LARP7: variants seen among roughly 807,000 people sequenced by gnomAD.
LARP7 encodes la-related protein 7.
In LARP7, 52 loss-of-function variants were observed where a neutral mutation model predicts 69.3. The ratio of observed to expected loss-of-function variants is 0.75; its 90% CI spans 0.60 to 0.95. The LOEUF (loss-of-function observed/expected upper bound fraction) is 0.95, where lower values mean the gene tolerates loss of function less well. Among genes scored for constraint, LARP7 ranks in the 40% least tolerant of loss-of-function variants. LARP7 has a pLI of 0.00. For missense variants in LARP7, 733 were observed against 673.0 expected, an observed-to-expected ratio of 1.09 and a Z score of -0.99; for synonymous variants, 254 against 215.9, an observed-to-expected ratio of 1.18 and a Z score of -1.55.
chr4:112,638,589 T>C (rs1336659939), intron 1 of LARP7, among the ~76,000 whole-genome samples: 1 of 152,220 alleles, frequency 6.6e-6, no homozygotes, highest in East Asian at 1.9e-4. Flanking sequence ...AACTGGTTTT[T>C]AGCACTTAAC....
chr4:112,646,482 TTATAGTTTATAATTA>T, intron 3 of LARP7, 31 bp downstream of exon 3: 1 of 1,357,980 alleles, frequency 7.4e-7, no homozygotes, highest in Non-Finnish European at 1.0e-6. Context: ...CTGTTTATAT[TTATAGTTTATAATTA>T]TAAAGAATGT....
At position 112,646,675 on chromosome 4, in the gene LARP7, A is replaced by C. The variant is rs1214441156; in HGVS notation, c.387+4A>C. The C allele has an allele frequency of 8.8e-6, 14 of 1,591,736 alleles. No individual in the cohort carries two copies. The highest frequency in any genetic ancestry group is 1.2e-5 in the Non-Finnish European group (14 of 1,171,736). ...GGATGAACGCACAGTGTATGTGGTA[A>C]GCTTAAGAACCCGGGTCCCCAGTCA... is the stretch of plus-strand genomic sequence containing the variant. On this transcript the variant is annotated splice_donor_region_variant and intron_variant, in intron 4 of 12. Coordinates refer to ENST00000344442, the MANE Select transcript of LARP7 (RefSeq NM_016648.4).
rs148722939 is a variant in LARP7 at position 112,653,128 on chromosome 4, G to A, written c.1468G>A (p.Asp490Asn). Reference sequence around the variant, plus strand: ...TCTTTATGTTGATTTGCTAGAAGGGGATACAGAATGCCATGCTAGATTTAA... The same window carrying A: ...TCTTTATGTTGATTTGCTAGAAGGGAATACAGAATGCCATGCTAGATTTAA... ...EVLYVDLLEG[D>N]TECHARFKTP... The change falls in exon 11 of 13, where the codon GAT becomes AAT. Residue 490 changes from aspartate to asparagine, a missense_variant. Physicochemically the swap from Asp to Asn is conservative, Grantham distance 23. Transcript: ENST00000344442. 1.9e-4 allele frequency: 311 copies of A among 1,609,604 alleles called. No individual in the cohort carries two copies. Among genetic ancestry groups the A allele is most frequent in the Non-Finnish European group, 2.4e-4 (283 of 1,178,150 alleles).
At chr4:112,649,723 T>G in intron 9 of LARP7, 37 bp downstream of exon 9, 1 of 1,370,932 alleles carries the variant, frequency 7.3e-7, no homozygotes, top group East Asian at 2.5e-5. Flanking sequence ...CATTATAATG[T>G]ACTTATATAT....
chr4:112,652,231 T>A (rs1048157870), intron 10 of LARP7, among the ~76,000 whole-genome samples: 1 of 150,372 alleles, frequency 6.7e-6, no homozygotes, highest in Non-Finnish European at 1.5e-5. Flanking sequence ...CTGAAAGTAA[T>A]GTAAATTAGT....
At chr4:112,640,025 G>C (rs1381188920) in intron 1 of LARP7, among the ~76,000 whole-genome samples, 1 of 152,086 alleles carries the variant, frequency 6.6e-6, no homozygotes, top group African/African-American at 2.4e-5. Context: ...TGCAACCTCT[G>C]CCTCCTGGGT....
At chr4:112,656,516 C>G (rs2048961809) in intron 12 of LARP7, among the ~76,000 whole-genome samples, 1 of 152,192 alleles carries the variant, frequency 6.6e-6, no homozygotes, top group Non-Finnish European at 1.5e-5. Context: ...ATTCATTTTG[C>G]TAGCCTAAAT....
In LARP7 at chr4:112,646,684, A is replaced by T; in HGVS notation, c.387+13A>T. 6.3e-7 allele frequency: 1 copy of T among 1,580,890 alleles called. No homozygotes were observed. The highest frequency in any genetic ancestry group is 8.6e-7 in the Non-Finnish European group (1 of 1,164,718). On this transcript the variant is annotated intron_variant, in intron 4 of 12. Transcript: ENST00000344442. ...CACAGTGTATGTGGTAAGCTTAAGA[A>T]CCCGGGTCCCCAGTCAGAAACTGGC...
chr4:112,646,888 C>CTT lies in LARP7; in HGVS notation c.486_487insTT (p.Gly163LeufsTer43). 6.2e-7 allele frequency: 1 copy of CTT among 1,609,090 alleles called. No individual in the cohort carries two copies. On this transcript the variant is annotated frameshift_variant, in exon 5 of 13. Transcript: ENST00000344442. LOFTEE classifies it high-confidence loss of function. Reference sequence around the variant, plus strand: ...ATAAGTATACCACATTATAAGTCTACTGGAGATCCAAAGGGATTTGCGTTT... The same window carrying CTT: ...ATAAGTATACCACATTATAAGTCTACTTTGGAGATCCAAAGGGATTTGCGTTT...
intron 12 of LARP7, 143 bp downstream of exon 12, chr4:112,654,302 G>T (rs931899958): frequency 9.8e-6 from 5 of 508,050 alleles, no homozygotes; most frequent in Admixed American, 6.8e-5. Flanking sequence ...TTTTAGGTTG[G>T]GAGGGAAAAG....
At chr4:112,648,111 AAT>A (rs769776104) in intron 8 of LARP7, 30 of 563,880 alleles carry the variant, frequency 5.3e-5, no homozygotes, top group Non-Finnish European at 8.9e-5. Flanking sequence ...ATAAAGCTTA[AAT>A]ATATGAGCTG....
intron 9 of LARP7, chr4:112,650,019 C>CTGT (rs2048644140): frequency 5.2e-6 from 1 of 191,000 alleles, no homozygotes. Flanking sequence ...TAGTATGCAC[C>CTGT]ACAAGCAGGA....
At chr4:112,638,662 A>G (rs1228127999) in intron 1 of LARP7, among the ~76,000 whole-genome samples, 1 of 152,204 alleles carries the variant, frequency 6.6e-6, no homozygotes, top group Non-Finnish European at 1.5e-5. Flanking sequence ...CAGTGGTCCC[A>G]TAAGATTATA....
chr4:112,653,747 C>A (rs750018045), intron 11 of LARP7, among the ~76,000 whole-genome samples: 10 of 152,124 alleles, frequency 6.6e-5, no homozygotes, highest in East Asian at 1.9e-4. Context: ...CCTTGGCCCC[C>A]CAAAGTGCTG....
In LARP7 at chr4:112,649,537, G is replaced by T; in HGVS notation, c.1145G>T (p.Ser382Ile). 6.3e-7 allele frequency: 1 copy of T among 1,594,222 alleles called. No individual in the cohort carries two copies. Among genetic ancestry groups the T allele is most frequent in the Non-Finnish European group, 8.5e-7 (1 of 1,171,392 alleles). Residue 382 changes from serine (S) to isoleucine (I), a missense_variant and splice_region_variant, in exon 9 of 13, where the codon AGC becomes ATC. Coordinates refer to ENST00000344442, the MANE Select transcript of LARP7 (RefSeq NM_016648.4). ...TATCACCATTTCTTTCCTTGTAGGA[G>T]CGAATGGATGGATTTGAAAAAAGAG... Reference protein sequence around the residue: ...EVIPLRVLSKSEWMDLKKEYL... With the variant: ...EVIPLRVLSKIEWMDLKKEYL...
At chr4:112,649,432 G>T in intron 8 of LARP7, 103 bp from the exon 9 acceptor site, 1 of 897,782 alleles carries the variant, frequency 1.1e-6, no homozygotes, top group Middle Eastern at 3.5e-4. Flanking sequence ...CAGGAAAGTT[G>T]GTGGAGGAGT....
intron 10 of LARP7, 83 bp downstream of exon 10, chr4:112,650,665 TAAAAC>T (rs376863033): frequency 8.0e-6 from 11 of 1,378,510 alleles, no homozygotes; most frequent in African/African-American, 5.8e-5. Context: ...ATATGGAAGA[TAAAAC>T]AAATCAAGTT....
rs1043446822 is a variant in LARP7 at position 112,651,494 on chromosome 4, T to C, written c.1416+912T>C. Among the ~76,000 whole-genome samples, 108 of 152,234 alleles carry C rather than the reference T, an allele frequency of 7.1e-4. 1 individual carries two copies. Among genetic ancestry groups the C allele is most frequent in the African/African-American group, 2.5e-3 (105 of 41,462 alleles). On this transcript the variant is annotated intron_variant, in intron 10 of 12. Coordinates refer to ENST00000344442, the MANE Select transcript of LARP7 (RefSeq NM_016648.4). ...AAATTGAGGGATGTAAATACTGCTC[T>C]GATTAATCAGATTGCAAAACATTTA... is the stretch of plus-strand genomic sequence containing the variant.
intron 12 of LARP7, among the ~76,000 whole-genome samples, chr4:112,656,865 A>C (rs990488913): frequency 6.6e-6 from 1 of 152,226 alleles, no homozygotes; most frequent in African/African-American, 2.4e-5. Flanking sequence ...TTTTTAGAGA[A>C]AAAGATTTGC....
Sources: gnomAD v4.1 joint callset for allele counts (sites outside exome capture counted in the v4.1 genomes callset) on GRCh38, gnomAD v4.1.1 for gene constraint, MANE v1.5 for transcripts, NCBI Gene and HGNC (gene_info 2026-07-23, HGNC 2026-07-21) for gene names.